Variants in PEPD observed in about 807,000 individuals in gnomAD.
The protein encoded by PEPD is peptidase D, also known as xaa-Pro dipeptidase.
PEPD carries 53 observed loss-of-function variants against 60.7 expected under a neutral mutation model. The observed-to-expected ratio is 0.87, with a 90% CI of 0.70 to 1.10. The LOEUF is 1.10. Among genes scored for constraint, PEPD ranks in the 50% least tolerant of loss-of-function variants. The pLI is 0.00. For missense variants in PEPD, 711 were observed against 711.9 expected (o/e 1.00, Z 0.01); for synonymous variants, 267 against 284.1 (o/e 0.94, Z 0.60).
chr19:33,428,065 G>C (rs565174679), intron 9 of PEPD, among the ~76,000 whole-genome samples: 85 of 152,294 alleles, frequency 5.6e-4, no homozygotes, highest in African/African-American at 2.0e-3. Context: ...AGAAGTGGTC[G>C]TTATGTGATG....
chr19:33,417,205 G>C (rs1426334480), intron 9 of PEPD, among the ~76,000 whole-genome samples: 4 of 152,270 alleles, frequency 2.6e-5, no homozygotes, highest in Non-Finnish European at 5.9e-5. Flanking sequence ...GGCAGTGTAA[G>C]GGGTGGCCCT....
chr19:33,517,379 T>C (rs1340331284), intron 1 of PEPD, among the ~76,000 whole-genome samples: 1 of 151,344 alleles, frequency 6.6e-6, no homozygotes, highest in Admixed American at 6.6e-5. Flanking sequence ...GCCAACATGG[T>C]GAGCCCCTGT....
intron 3 of PEPD, among the ~76,000 whole-genome samples, chr19:33,502,739 G>A (rs2145337812): frequency 6.6e-6 from 1 of 152,198 alleles, no homozygotes; most frequent in East Asian, 1.9e-4. Context: ...ACCTCCTGGG[G>A]GTATCTGGAC....
At chr19:33,388,421 GCTGGC>G in intron 13 of PEPD, 1 of 508,160 alleles carries the variant, frequency 2.0e-6, no homozygotes, top group South Asian at 2.1e-5. Context: ...AGGCCCCGCT[GCTGGC>G]CAGAGGAGTG....
chr19:33,433,602 C>T (rs1294618749), intron 9 of PEPD, among the ~76,000 whole-genome samples: 3 of 152,188 alleles, frequency 2.0e-5, no homozygotes, highest in Non-Finnish European at 2.9e-5. Flanking sequence ...AAATGAGAAA[C>T]ATTAAGAAGC....
intron 6 of PEPD, among the ~76,000 whole-genome samples, chr19:33,483,293 G>C (rs539422396): frequency 4.6e-5 from 7 of 152,204 alleles, no homozygotes; most frequent in African/African-American, 1.7e-4. Flanking sequence ...AAATAAAAAG[G>C]AACCATATAA....
chr19:33,393,494 T>A (rs368921360), intron 12 of PEPD, among the ~76,000 whole-genome samples: 4 of 148,414 alleles, frequency 2.7e-5, no homozygotes, highest in Admixed American at 2.6e-4. Flanking sequence ...CCCGCCTCCG[T>A]GAGCCTCAGC....
chr19:33,503,662 G>A (rs1970751210), intron 3 of PEPD, among the ~76,000 whole-genome samples: 2 of 152,202 alleles, frequency 1.3e-5, no homozygotes, highest in Non-Finnish European at 2.9e-5. Flanking sequence ...AGGGCCATCA[G>A]CGAAATGCGT....
chr19:33,506,234 ACAC>A (rs766554668), intron 3 of PEPD, among the ~76,000 whole-genome samples: 1 of 145,286 alleles, frequency 6.9e-6, no homozygotes, highest in African/African-American at 2.6e-5. Flanking sequence ...ACACACCCAC[ACAC>A]AAGACAGCAC....
intron 9 of PEPD, among the ~76,000 whole-genome samples, chr19:33,449,130 A>C (rs1298320660): frequency 6.6e-6 from 1 of 152,226 alleles, no homozygotes; most frequent in East Asian, 1.9e-4. Flanking sequence ...AGCCAACTCC[A>C]GGTAGCTGGC....
At chr19:33,501,563 C>T (rs1330087927) in intron 3 of PEPD, among the ~76,000 whole-genome samples, 2 of 152,090 alleles carry the variant, frequency 1.3e-5, no homozygotes, top group African/African-American at 4.8e-5. Flanking sequence ...TGTACTCCCA[C>T]CTACTCGGGA....
chr19:33,444,279 C>T (rs752509900), intron 9 of PEPD, among the ~76,000 whole-genome samples: 1 of 152,052 alleles, frequency 6.6e-6, no homozygotes, highest in Non-Finnish European at 1.5e-5. Context: ...GGACAGAAAG[C>T]GCAGCGCCAG....
intron 6 of PEPD, among the ~76,000 whole-genome samples, chr19:33,480,834 G>GTA (rs1212404173): frequency 3.1e-5 from 4 of 129,950 alleles, no homozygotes; most frequent in African/African-American, 1.3e-4. Context: ...GTGTGTGTGT[G>GTA]TGTGTGTATA....
intron 6 of PEPD, among the ~76,000 whole-genome samples, chr19:33,482,881 T>C (rs61398534): frequency 0.11 from 16,488 of 152,192 alleles, 949 homozygotes; most frequent in African/African-American, 0.15. Flanking sequence ...TCAGGAAAGA[T>C]ATAGAAGATA....
chr19:33,465,043 C>T (rs1421866050), intron 7 of PEPD, among the ~76,000 whole-genome samples: 1 of 152,140 alleles, frequency 6.6e-6, no homozygotes, highest in Non-Finnish European at 1.5e-5. Flanking sequence ...CTCGGTTTCC[C>T]CATCTGAAAA....
At chr19:33,428,610 C>T (rs190255863) in intron 9 of PEPD, among the ~76,000 whole-genome samples, 58 of 152,340 alleles carry the variant, frequency 3.8e-4, no homozygotes, top group African/African-American at 1.4e-3. Flanking sequence ...CCAGAAATCT[C>T]CCTGGGTTCC....
At chr19:33,387,587 A>G (rs1193641844) in intron 14 of PEPD, 106 bp from the exon 15 acceptor site, 1 of 1,446,514 alleles carries the variant, frequency 6.9e-7, no homozygotes, top group Non-Finnish European at 9.6e-7. Flanking sequence ...GGAGCAGCTG[A>G]CACTCCCTGG....
intron 7 of PEPD, among the ~76,000 whole-genome samples, chr19:33,471,252 T>C (rs1014936386): frequency 6.6e-6 from 1 of 152,172 alleles, no homozygotes; most frequent in African/African-American, 2.4e-5. Context: ...GTGTGCTGGC[T>C]TAACCAATTA....
At chr19:33,428,321 C>T (rs997806856) in intron 9 of PEPD, among the ~76,000 whole-genome samples, 2 of 152,172 alleles carry the variant, frequency 1.3e-5, no homozygotes, top group African/African-American at 2.4e-5. Context: ...CAGCATACCC[C>T]GAGCTCCCTC....
Sources: allele counts gnomAD v4.1 joint callset (sites outside exome capture counted in the v4.1 genomes callset), GRCh38; gene constraint gnomAD v4.1.1; transcripts MANE v1.5; gene names NCBI Gene and HGNC (gene_info 2026-07-23, HGNC 2026-07-21).